CNOT1: variants seen among roughly 807,000 people sequenced by gnomAD.
CNOT1 encodes the protein CCR4-NOT transcription complex subunit 1.
CNOT1 carries 15 observed loss-of-function variants against 273.8 expected under a neutral mutation model. The observed-to-expected ratio is 0.05, with a 90% CI of 0.04 to 0.08. CNOT1 has a LOEUF of 0.08. Among genes scored for constraint, CNOT1 ranks in the 10% least tolerant of loss-of-function variants. The probability of loss-of-function intolerance (pLI) is 1.00; values close to 1 mark genes in which losing one functional copy is unlikely to be tolerated. For synonymous variants in CNOT1, 1,022 were observed against 1,005.5 expected (o/e 1.02, Z -0.31); for missense variants, 1,644 against 2,912.2 (o/e 0.56, Z 10.02).
intron 31 of CNOT1, 26 bp from the exon 32 acceptor site, chr16:58,542,594 T>TG (rs761479863): frequency 2.6e-4 from 11 of 42,254 alleles, no homozygotes; most frequent in Admixed American, 1.8e-3. Flanking sequence ...GGTGGGGGGG[T>TG]GGGGGGAATA....
At chr16:58,620,588 G>A (rs960764301) in intron 1 of CNOT1, among the ~76,000 whole-genome samples, 1 of 148,566 alleles carries the variant, frequency 6.7e-6, no homozygotes, top group East Asian at 2.0e-4. Flanking sequence ...TGGTTGTATT[G>A]CAGTGAGCCA....
At chr16:58,525,510 C>CA in intron 45 of CNOT1, 151 bp from the exon 46 acceptor site, 1 of 658,740 alleles carries the variant, frequency 1.5e-6, no homozygotes, top group Non-Finnish European at 2.6e-6. Flanking sequence ...ATTTAACAAA[C>CA]ACACAGATGC....
rs139740303 is a variant in CNOT1, at chr16:58,614,273, G to A, written c.-174-14762C>T. ...TGCTGTCCTTAGAAAGGCTTGCACA[G>A]TTGGCCCTTGGCTGGTCTCTGATAA... On this transcript the variant is annotated intron_variant, in intron 1 of 48. Transcript: ENST00000317147. Among the ~76,000 whole-genome samples the A allele has an allele frequency of 1.6e-5, 2 of 123,948 alleles. 1 individual carries two copies. Among genetic ancestry groups the A allele is most frequent in the African/African-American group, 5.4e-5 (2 of 36,810 alleles). The allele number at this position is 123,948 out of a possible 152,430, so 81.3% of individuals were successfully genotyped here.
intron 1 of CNOT1, among the ~76,000 whole-genome samples, chr16:58,605,219 A>AT (rs1302156977): frequency 6.6e-6 from 1 of 151,646 alleles, no homozygotes; most frequent in East Asian, 2.0e-4. Context: ...AAAAACACAT[A>AT]TTGCTGGGCG....
chr16:58,622,710 G>C (rs2043397658), intron 1 of CNOT1, among the ~76,000 whole-genome samples: 2 of 151,508 alleles, frequency 1.3e-5, no homozygotes, highest in Non-Finnish European at 2.9e-5. Context: ...AGCCAGATGT[G>C]GTGGTGGGCA....
At chr16:58,585,555 A>C (rs1274821138) in intron 7 of CNOT1, 49 bp from the exon 8 acceptor site, 2 of 1,580,162 alleles carry the variant, frequency 1.3e-6, no homozygotes, top group Non-Finnish European at 1.7e-6. Flanking sequence ...AAAACAAACA[A>C]TCCTCTTTTG....
At chr16:58,530,407 A>T (rs2039741262) in intron 42 of CNOT1, 60 bp from the exon 43 acceptor site, 4 of 1,265,636 alleles carry the variant, frequency 3.2e-6, no homozygotes, top group Non-Finnish European at 4.5e-6. Flanking sequence ...AGCCACTACA[A>T]GTCGCCCAAG....
At chr16:58,594,158 C>T (rs1018265720) in intron 2 of CNOT1, among the ~76,000 whole-genome samples, 4 of 152,108 alleles carry the variant, frequency 2.6e-5, no homozygotes, top group Non-Finnish European at 5.9e-5. Context: ...GCAAGAGAAT[C>T]GCTTGAACCC....
intron 46 of CNOT1, chr16:58,523,807 C>CT (rs2039487985): frequency 1.3e-5 from 3 of 226,962 alleles, no homozygotes; most frequent in Non-Finnish European, 2.6e-5. Context: ...TTGCAGATCT[C>CT]TAAGTCTTGC....
chr16:58,581,697 C>T (rs1238239742), intron 10 of CNOT1, among the ~76,000 whole-genome samples, 182 bp from the exon 11 acceptor site: 2 of 151,694 alleles, frequency 1.3e-5, no homozygotes, highest in Non-Finnish European at 2.9e-5. Flanking sequence ...AGTCTCACTC[C>T]GTTGCTCAGG....
chr16:58,627,167 G>C (rs2152060964), intron 1 of CNOT1, among the ~76,000 whole-genome samples: 1 of 152,200 alleles, frequency 6.6e-6, no homozygotes, highest in Non-Finnish European at 1.5e-5. Context: ...CCAGCACTTT[G>C]GGAGGGTGAG....
At position 58,574,776 on chromosome 16, in the gene CNOT1, G is replaced by A; in HGVS notation, c.1828-16C>T. ...TAAAAGGCTCCTGAAGAATAGAAAA[G>A]TCTCTCAGTGTATTTAAAATTGATC... is the stretch of plus-strand genomic sequence containing the variant. On this transcript the variant is annotated splice_polypyrimidine_tract_variant and intron_variant, in intron 15 of 48. Transcript: ENST00000317147. 1.9e-6 allele frequency: 3 copies of A among 1,585,582 alleles called. No homozygotes were observed. The highest frequency in any genetic ancestry group is 2.6e-6 in the Non-Finnish European group (3 of 1,173,886).
chr16:58,553,632 C>A, intron 22 of CNOT1, 150 bp downstream of exon 22: 2 of 964,966 alleles, frequency 2.1e-6, no homozygotes, highest in Non-Finnish European at 2.7e-6. Context: ...ACAAAATGAG[C>A]AACCTCAACA....
chr16:58,565,529 T>C (rs1221263877), intron 16 of CNOT1, among the ~76,000 whole-genome samples: 2 of 152,214 alleles, frequency 1.3e-5, no homozygotes, highest in African/African-American at 4.8e-5. Flanking sequence ...ATACCAACTA[T>C]TCCCACAATG....
intron 2 of CNOT1, among the ~76,000 whole-genome samples, chr16:58,590,891 T>C (rs563526930): frequency 2.0e-5 from 3 of 152,388 alleles, no homozygotes; most frequent in African/African-American, 7.2e-5. Flanking sequence ...CGTACTAGTC[T>C]AGGTGTAAAC....
In CNOT1 at chr16:58,530,327, C is replaced by T. The variant is rs1248691191; in HGVS notation, c.6198G>A (p.Gln2066=). 2.5e-6 allele frequency: 4 copies of T among 1,611,788 alleles called. No individual in the cohort carries two copies. The highest frequency in any genetic ancestry group is 3.3e-5 in the Admixed American group (2 of 59,958). Residue 2066 remains glutamine (Q), a synonymous_variant, in exon 43 of 49, where the codon CAG becomes CAA. Transcript: ENST00000317147. ...PQQKGWPMYA[Q]LLIDLFKYLA... ...AATATTTGAATAAATCAATCAGTAG[C>T]TGTGCATACATAGGCCACCCCTGAA...
At position 58,561,840 on chromosome 16, in the gene CNOT1, T is replaced by C. The variant is rs140594847; in HGVS notation, c.1980-1478A>G. Among the ~76,000 whole-genome samples the C allele has an allele frequency of 6.4e-3, 971 of 152,290 alleles. 6 individuals are homozygous for C. The highest frequency in any genetic ancestry group is 0.01 in the Non-Finnish European group (701 of 68,018). ...AGCATTTCAAAGAAGGGATACTCAA[T>C]CTGTATTGCCTCATACAACTATGGG... On this transcript the variant is annotated intron_variant, in intron 16 of 48. Transcript: ENST00000317147.
chr16:58,573,116 G>T (rs922886043), intron 16 of CNOT1, among the ~76,000 whole-genome samples: 18 of 151,582 alleles, frequency 1.2e-4, no homozygotes, highest in Non-Finnish European at 2.5e-4. Context: ...GACCGGCCTG[G>T]CCAACATGGC....
At position 58,587,185 on chromosome 16, in the gene CNOT1, G is replaced by T; in HGVS notation, c.433+16C>A. 1 of 1,607,690 alleles carries T rather than the reference G, an allele frequency of 6.2e-7. No individual in the cohort carries two copies. The highest frequency in any genetic ancestry group is 1.1e-5 in the South Asian group (1 of 90,070). On this transcript the variant is annotated intron_variant, in intron 6 of 48. Coordinates refer to ENST00000317147, the MANE Select transcript of CNOT1 (RefSeq NM_016284.5). ...TAAAGTCTCACTTCGTGATATTTTTGGAAAAAGTAACTCACCGAAACCTCT... is the reference window on the plus strand; with the variant it reads ...TAAAGTCTCACTTCGTGATATTTTTTGAAAAAGTAACTCACCGAAACCTCT...
Sources: gnomAD v4.1 joint callset for allele counts (sites outside exome capture counted in the v4.1 genomes callset) on GRCh38, gnomAD v4.1.1 for gene constraint, MANE v1.5 for transcripts, NCBI Gene and HGNC (gene_info 2026-07-23, HGNC 2026-07-21) for gene names.